The following STK3 variants were observed in gnomAD, a reference collection of about 807,000 sequenced individuals.
STK3 encodes serine/threonine-protein kinase 3.
Under a neutral mutation model 58.0 loss-of-function variants are expected in STK3, and 41 were observed. The observed-to-expected ratio is 0.71, with a 90% CI of 0.55 to 0.92. STK3 has a LOEUF of 0.92. Ranked by LOEUF, STK3 falls within the 40% of genes least tolerant of loss-of-function variation. The probability of loss-of-function intolerance (pLI) is 0.00; values close to 1 mark genes in which losing one functional copy is unlikely to be tolerated. For synonymous variants in STK3, 170 were observed against 191.0 expected (o/e 0.89, Z 0.91); for missense variants, 479 against 602.7 (o/e 0.79, Z 2.15).
chr8:98,707,177 C>T lies in STK3; in HGVS notation c.486G>A (p.Leu162=). 6.2e-7 allele frequency: 1 copy of T among 1,608,176 alleles called. No individual in the cohort carries two copies. The highest frequency in any genetic ancestry group is 8.5e-7 in the Non-Finnish European group (1 of 1,178,710). ...ILLNTEGHAK[L]ADFGVAGQLT... ...ACTGACCAGCCACTCCAAAATCTGCCAATTTTGCATGTCCTTCTGTATTGA... is the reference window on the plus strand; with the variant it reads ...ACTGACCAGCCACTCCAAAATCTGCTAATTTTGCATGTCCTTCTGTATTGA... The change falls in exon 5 of 11, where the codon TTG becomes TTA. Residue 162 remains leucine (L), a synonymous_variant. Coordinates refer to ENST00000419617, the MANE Select transcript of STK3 (RefSeq NM_006281.4).
intron 3 of STK3, among the ~76,000 whole-genome samples, chr8:98,836,850 G>A (rs181910783): frequency 3.9e-4 from 59 of 152,208 alleles, no homozygotes; most frequent in African/African-American, 1.4e-3. Context: ...CTATGGAGAA[G>A]CTTAAAGAGC....
intron 3 of STK3, among the ~76,000 whole-genome samples, chr8:98,870,192 G>A (rs1837317586): frequency 6.6e-6 from 1 of 152,180 alleles, no homozygotes; most frequent in Admixed American, 6.5e-5. Flanking sequence ...TTTTATGGCT[G>A]CATAGTATTC....
At chr8:98,655,158 C>T (rs1821376678) in intron 6 of STK3, among the ~76,000 whole-genome samples, 1 of 151,952 alleles carries the variant, frequency 6.6e-6, no homozygotes, top group African/African-American at 2.4e-5. Flanking sequence ...TGGAACAGAA[C>T]AGAGCCCTCA....
intron 6 of STK3, among the ~76,000 whole-genome samples, chr8:98,657,835 A>G (rs1346077553): frequency 6.6e-6 from 1 of 152,102 alleles, no homozygotes; most frequent in Non-Finnish European, 1.5e-5. Flanking sequence ...TGGAAATAAA[A>G]CTAGAATAAC....
chr8:98,690,276 A>C (rs1019034572), intron 6 of STK3, among the ~76,000 whole-genome samples: 1 of 152,184 alleles, frequency 6.6e-6, no homozygotes, highest in African/African-American at 2.4e-5. Context: ...TGACAATATA[A>C]TTGTATACTA....
intron 10 of STK3, among the ~76,000 whole-genome samples, chr8:98,481,290 A>G (rs1821831982): frequency 6.6e-6 from 1 of 152,138 alleles, no homozygotes; most frequent in South Asian, 2.1e-4. Flanking sequence ...TAAAAAAGAC[A>G]TCTGCACTTG....
At chr8:98,551,729 T>G (rs1811185614) in intron 8 of STK3, among the ~76,000 whole-genome samples, 1 of 152,184 alleles carries the variant, frequency 6.6e-6, no homozygotes, top group Admixed American at 6.6e-5. Flanking sequence ...TAAAAACCTT[T>G]GTCTTCCTTT....
chr8:98,509,442 T>G (rs1409680411), intron 10 of STK3, among the ~76,000 whole-genome samples: 1 of 152,020 alleles, frequency 6.6e-6, no homozygotes, highest in African/African-American at 2.4e-5. Flanking sequence ...ATACAAGTTT[T>G]ACTTAGATGA....
At chr8:98,927,570 A>G (rs897307168) in intron 1 of STK3, among the ~76,000 whole-genome samples, 1 of 152,258 alleles carries the variant, frequency 6.6e-6, no homozygotes, top group Non-Finnish European at 1.5e-5. Context: ...TTATCATATA[A>G]TTTGATAAGG....
At position 98,615,284 on chromosome 8, in the gene STK3, G is replaced by C. The variant is rs865965615; in HGVS notation, c.685-19115C>G. ...TAGAAGGAAAACTAACAAACAGAAAGGACATCCACACCGAAAACCCATCTG... is the reference window on the plus strand; with the variant it reads ...TAGAAGGAAAACTAACAAACAGAAACGACATCCACACCGAAAACCCATCTG... On this transcript the variant is annotated intron_variant, in intron 6 of 10. Coordinates refer to ENST00000419617, the MANE Select transcript of STK3 (RefSeq NM_006281.4). 5.4e-3 allele frequency among the ~76,000 whole-genome samples: 795 copies of C among 146,164 alleles called. 5 individuals carry two copies. The highest frequency in any genetic ancestry group is 0.019 in the African/African-American group (754 of 39,388).
chr8:98,586,895 G>C (rs1215107959), intron 7 of STK3, among the ~76,000 whole-genome samples: 1 of 151,842 alleles, frequency 6.6e-6, no homozygotes, highest in Admixed American at 6.6e-5. Flanking sequence ...AGAGGTGTTT[G>C]TAGTATTCTC....
At chr8:98,597,316 T>G (rs1815912520) in intron 6 of STK3, 1 of 985,322 alleles carries the variant, frequency 1.0e-6, no homozygotes, top group South Asian at 4.7e-5. Context: ...GTCTGTTGAT[T>G]ATAGGTTAAG....
intron 1 of STK3, among the ~76,000 whole-genome samples, chr8:98,897,480 G>C (rs1407511438): frequency 6.6e-6 from 1 of 151,528 alleles, no homozygotes; most frequent in East Asian, 2.0e-4. Flanking sequence ...GGAGAATGGC[G>C]TGAACTCGGG....
In STK3 at chr8:98,548,660, A is replaced by G. The variant is rs138938065; in HGVS notation, c.949-499T>C. Among the ~76,000 whole-genome samples the G allele has an allele frequency of 9.0e-3, 1,370 of 152,262 alleles. 21 individuals are homozygous for G. Among genetic ancestry groups the G allele is most frequent in the African/African-American group, 0.03 (1,247 of 41,556 alleles). On this transcript the variant is annotated intron_variant, in intron 8 of 10. Coordinates refer to ENST00000419617, the MANE Select transcript of STK3 (RefSeq NM_006281.4). ...ATTTTTAAGTGTATAACTCTGTAGCACTAAGTATATTTACAATGTTGTGCA... is the reference window on the plus strand; with the variant it reads ...ATTTTTAAGTGTATAACTCTGTAGCGCTAAGTATATTTACAATGTTGTGCA...
chr8:98,725,829 G>A (rs1827759569), intron 4 of STK3, among the ~76,000 whole-genome samples: 2 of 152,076 alleles, frequency 1.3e-5, no homozygotes, highest in Admixed American at 6.5e-5. Flanking sequence ...CACTTACCAT[G>A]TTTTTTTCCC....
At chr8:98,692,216 T>C (rs1824463468) in intron 6 of STK3, among the ~76,000 whole-genome samples, 1 of 152,188 alleles carries the variant, frequency 6.6e-6, no homozygotes, top group Admixed American at 6.5e-5. Context: ...GAAAACAGTA[T>C]GGAGGTTCCT....
intron 1 of STK3, among the ~76,000 whole-genome samples, chr8:98,783,656 A>G (rs558890910): frequency 1.3e-5 from 2 of 152,370 alleles, no homozygotes; most frequent in Non-Finnish European, 2.9e-5. Context: ...AGATTTCTCT[A>G]TAGCATGTGA....
At chr8:98,726,347 T>C (rs1157869763) in intron 4 of STK3, among the ~76,000 whole-genome samples, 6 of 152,150 alleles carry the variant, frequency 3.9e-5, no homozygotes, top group Admixed American at 3.9e-4. Context: ...AATCATAAAG[T>C]GTTTATAATT....
intron 6 of STK3, among the ~76,000 whole-genome samples, chr8:98,674,893 T>C (rs961788701): frequency 6.6e-6 from 1 of 152,206 alleles, no homozygotes; most frequent in Non-Finnish European, 1.5e-5. Flanking sequence ...AAAGTTCCTG[T>C]CGGGAATGGT....
Sources: gnomAD v4.1 joint callset for allele counts (sites outside exome capture counted in the v4.1 genomes callset) on GRCh38, gnomAD v4.1.1 for gene constraint, MANE v1.5 for transcripts, NCBI Gene and HGNC (gene_info 2026-07-23, HGNC 2026-07-21) for gene names.